DHX15: variants seen among roughly 807,000 people sequenced by gnomAD.
DHX15 encodes ATP-dependent RNA helicase DHX15.
DHX15 carries 11 observed loss-of-function variants against 94.4 expected under a neutral mutation model. That is an observed-to-expected ratio of 0.12 (90% CI 0.07 to 0.19). The LOEUF is 0.19. Ranked by LOEUF, DHX15 falls within the 10% of genes least tolerant of loss-of-function variation. The probability of loss-of-function intolerance (pLI) is 1.00; values close to 1 mark genes in which losing one functional copy is unlikely to be tolerated. For missense variants in DHX15, 304 were observed against 988.5 expected, an observed-to-expected ratio of 0.31 and a Z score of 9.29; for synonymous variants, 338 against 329.9, an observed-to-expected ratio of 1.02 and a Z score of -0.27.
At chr4:24,572,325 A>G (rs1407266962) in intron 2 of DHX15, among the ~76,000 whole-genome samples, 1 of 152,084 alleles carries the variant, frequency 6.6e-6, no homozygotes, top group Non-Finnish European at 1.5e-5. Flanking sequence ...TAGTAGAGAC[A>G]GGGTTTCACC....
intron 1 of DHX15, among the ~76,000 whole-genome samples, chr4:24,581,875 A>G (rs1012397398): frequency 1.3e-5 from 2 of 152,214 alleles, no homozygotes; most frequent in Non-Finnish European, 2.9e-5. Context: ...ACAGAAACCT[A>G]TAATAACTTC....
chr4:24,534,423 C>A (rs116435643), intron 11 of DHX15, among the ~76,000 whole-genome samples: 3,094 of 152,222 alleles, frequency 0.02, 44 homozygotes, highest in Non-Finnish European at 0.032. Context: ...AATTGCAAAT[C>A]TAAGTTATTT....
At chr4:24,528,159 C>T in intron 13 of DHX15, 118 bp from the exon 14 acceptor site, 1 of 643,570 alleles carries the variant, frequency 1.6e-6, no homozygotes, top group African/African-American at 1.8e-5. Flanking sequence ...TCTATGAATT[C>T]AAGTCTCAGA....
intron 3 of DHX15, among the ~76,000 whole-genome samples, chr4:24,557,557 A>G (rs931803716): frequency 6.6e-6 from 1 of 152,186 alleles, no homozygotes; most frequent in African/African-American, 2.4e-5. Context: ...ACTTAATTCT[A>G]AATTTCATAA....
At chr4:24,531,634 C>T (rs1721085907) in intron 12 of DHX15, among the ~76,000 whole-genome samples, 1 of 151,988 alleles carries the variant, frequency 6.6e-6, no homozygotes, top group South Asian at 2.1e-4. Flanking sequence ...GGGAGGATCA[C>T]CAGAGCCCAG....
At chr4:24,547,937 A>ATATATCTATATCTATATC (rs1194457632) in intron 6 of DHX15, among the ~76,000 whole-genome samples, 18 of 33,998 alleles carry the variant, frequency 5.3e-4, no homozygotes, top group African/African-American at 1.8e-3. Context: ...ATATATATAT[A>ATATATCTATATCTATATC]TATATCTATA....
At chr4:24,552,213 C>T (rs73246469) in intron 5 of DHX15, among the ~76,000 whole-genome samples, 11,163 of 151,750 alleles carry the variant, frequency 0.074, 440 homozygotes, top group African/African-American at 0.1. Flanking sequence ...TCTGCTTAGT[C>T]ATTAGCAATA....
chr4:24,547,784 T>C (rs1721456596), intron 6 of DHX15, among the ~76,000 whole-genome samples: 2 of 149,178 alleles, frequency 1.3e-5, no homozygotes, highest in Admixed American at 6.7e-5. Context: ...GACCCCATGT[T>C]GTTTAAAAAA....
chr4:24,536,731 TAAA>T (rs1721207248), intron 11 of DHX15, among the ~76,000 whole-genome samples: 1 of 152,202 alleles, frequency 6.6e-6, no homozygotes, highest in Admixed American at 6.5e-5. Flanking sequence ...AAACTATTCT[TAAA>T]AATGTAAAAT....
chr4:24,569,440 A>C (rs1215962970), intron 3 of DHX15, among the ~76,000 whole-genome samples: 1 of 151,880 alleles, frequency 6.6e-6, no homozygotes, highest in Non-Finnish European at 1.5e-5. Context: ...AAGATACAAA[A>C]AGTTAGCCAG....
At chr4:24,542,705 T>C (rs1270754236) in intron 7 of DHX15, among the ~76,000 whole-genome samples, 1 of 151,642 alleles carries the variant, frequency 6.6e-6, no homozygotes, top group African/African-American at 2.4e-5. Context: ...GTCACTACAC[T>C]GAAACAAAGA....
chr4:24,581,324 G>C (rs556553289), intron 1 of DHX15, among the ~76,000 whole-genome samples: 1 of 152,226 alleles, frequency 6.6e-6, no homozygotes, highest in South Asian at 2.1e-4. Flanking sequence ...CATTGCGCCC[G>C]GCCTATGGCA....
intron 1 of DHX15, among the ~76,000 whole-genome samples, chr4:24,577,450 T>C (rs778899454): frequency 2.7e-4 from 41 of 152,184 alleles, no homozygotes; most frequent in Non-Finnish European, 5.0e-4. Context: ...TTGTTTACTC[T>C]TGCATTTTAA....
chr4:24,583,618 G>A lies in DHX15; in HGVS notation c.71+705C>T, dbSNP rs142622434. ...GTATCTACTTTGAAGTGTTTGAATG[G>A]ACCAAGGCACGCTCTCTCCCGCCAA... On this transcript the variant is annotated intron_variant, in intron 1 of 13. Coordinates refer to ENST00000336812, the MANE Select transcript of DHX15 (RefSeq NM_001358.3). Among the ~76,000 whole-genome samples the A allele has an allele frequency of 2.4e-4, 36 of 152,136 alleles. No homozygotes were observed. In the East Asian group the frequency reaches 6.0e-3, roughly 25 times the overall value.
chr4:24,560,792 C>A (rs1721857228), intron 3 of DHX15, among the ~76,000 whole-genome samples: 1 of 152,094 alleles, frequency 6.6e-6, no homozygotes, highest in African/African-American at 2.4e-5. Context: ...GAAAAAAGCA[C>A]CAGTCTCAGA....
At chr4:24,554,087 G>A (rs566856185) in intron 5 of DHX15, among the ~76,000 whole-genome samples, 70 of 152,074 alleles carry the variant, frequency 4.6e-4, no homozygotes, top group Admixed American at 2.4e-3. Flanking sequence ...GTGTGGTGGC[G>A]GGCACCTGTA....
chr4:24,564,818 A>G (rs1721958759), intron 3 of DHX15, among the ~76,000 whole-genome samples: 1 of 152,216 alleles, frequency 6.6e-6, no homozygotes. Context: ...GAAAGGGAAC[A>G]TATTTTGAAT....
intron 3 of DHX15, 69 bp downstream of exon 3, chr4:24,570,585 A>G: frequency 6.9e-7 from 1 of 1,456,234 alleles, no homozygotes; most frequent in Non-Finnish European, 9.6e-7. Context: ...GCACTAGCAA[A>G]GTCTTCTATC....
Position 24,540,267 on chromosome 4 carries a change from A to G in DHX15, c.1627T>C (p.Leu543=). The G allele has an allele frequency of 6.2e-7, 1 of 1,613,296 alleles. No homozygotes were observed. Among genetic ancestry groups the G allele is most frequent in the South Asian group, 1.1e-5 (1 of 91,004 alleles). ...TCATTTAAAGCAGCCAGGTAATTCA[A>G]AAGTTCCAGGGCTCTCATCAGAGTT... is the stretch of plus-strand genomic sequence containing the variant. ...PETLMRALEL[L]NYLAALNDDG... The change falls in exon 10 of 14, where the codon TTG becomes CTG. Residue 543 remains leucine, a synonymous_variant. Transcript: ENST00000336812.
Sources: allele counts gnomAD v4.1 joint callset (sites outside exome capture counted in the v4.1 genomes callset), GRCh38; gene constraint gnomAD v4.1.1; transcripts MANE v1.5; gene names NCBI Gene and HGNC (gene_info 2026-07-23, HGNC 2026-07-21).